SLC24A2: variants seen among roughly 807,000 people sequenced by gnomAD.
SLC24A2 encodes the protein sodium/potassium/calcium exchanger 2.
A neutral mutation model predicts 62.0 loss-of-function variants in SLC24A2; 36 were observed. The ratio of observed to expected loss-of-function variants is 0.58; its 90% CI spans 0.44 to 0.77. SLC24A2 has a LOEUF of 0.77. SLC24A2 is among the 30% of genes least tolerant of loss of function. SLC24A2 has a pLI of 0.00. For missense variants in SLC24A2, 846 were observed against 817.9 expected (o/e 1.03, Z -0.42); for synonymous variants, 358 against 294.0 (o/e 1.22, Z -2.23).
chr9:20,076,446 T>C, the SLC24A2 span, among the ~76,000 whole-genome samples: 9 of 152,014 alleles, frequency 5.9e-5, no homozygotes, highest in African/African-American at 1.9e-4. Flanking sequence ...CCTGTGACAA[T>C]GGAGGCAGGG....
At chr9:19,750,768 T>C (rs150916530) in intron 2 of SLC24A2, among the ~76,000 whole-genome samples, 116 of 152,244 alleles carry the variant, frequency 7.6e-4, no homozygotes, top group African/African-American at 2.6e-3. Context: ...TTCCAGCTTC[T>C]CGACCATCAC....
At chr9:19,811,735 T>C in the SLC24A2 span, among the ~76,000 whole-genome samples, 1 of 152,192 alleles carries the variant, frequency 6.6e-6, no homozygotes, top group Non-Finnish European at 1.5e-5. Context: ...ATTAAAACTT[T>C]AGATACTTTT....
At chr9:19,533,665 C>A (rs187983456) in intron 8 of SLC24A2, among the ~76,000 whole-genome samples, 1 of 152,184 alleles carries the variant, frequency 6.6e-6, no homozygotes, top group Non-Finnish European at 1.5e-5. Context: ...CAGCTCCCAG[C>A]CATTAACTGA....
chr9:19,688,366 G>C (rs1461165849), intron 2 of SLC24A2, among the ~76,000 whole-genome samples: 1 of 152,046 alleles, frequency 6.6e-6, no homozygotes, highest in Non-Finnish European at 1.5e-5. Flanking sequence ...AAAGTACAAT[G>C]AGAAAACATG....
chr9:20,060,137 T>C, the SLC24A2 span, among the ~76,000 whole-genome samples: 1 of 151,954 alleles, frequency 6.6e-6, no homozygotes, highest in Non-Finnish European at 1.5e-5. Flanking sequence ...TTATGACAAG[T>C]ACAGAAACTG....
At chr9:19,700,298 A>G (rs1820318296) in intron 2 of SLC24A2, among the ~76,000 whole-genome samples, 1 of 152,160 alleles carries the variant, frequency 6.6e-6, no homozygotes, top group Admixed American at 6.5e-5. Flanking sequence ...CACCTTTTGC[A>G]GGACTCAGTA....
At chr9:19,595,967 C>T (rs1361072561) in intron 5 of SLC24A2, among the ~76,000 whole-genome samples, 3 of 152,230 alleles carry the variant, frequency 2.0e-5, no homozygotes, top group Middle Eastern at 3.4e-3. Context: ...GTCATTGGAC[C>T]TCTTGCTGCC....
the SLC24A2 span, among the ~76,000 whole-genome samples, chr9:19,953,456 C>T: frequency 3.3e-5 from 5 of 151,910 alleles, no homozygotes; most frequent in Admixed American, 1.3e-4. Context: ...GCCTCTCAAA[C>T]GTTTCCATAA....
At chr9:20,078,611 C>T in the SLC24A2 span, among the ~76,000 whole-genome samples, 2 of 152,206 alleles carry the variant, frequency 1.3e-5, no homozygotes, top group Non-Finnish European at 2.9e-5. Flanking sequence ...GGAGAAGCTG[C>T]TTCCAGAACC....
chr9:19,824,612 C>G, the SLC24A2 span, among the ~76,000 whole-genome samples: 1 of 152,062 alleles, frequency 6.6e-6, no homozygotes, highest in Admixed American at 6.5e-5. Flanking sequence ...GACAGTGTGG[C>G]GATTCCTCAA....
rs1419411344 is a variant in SLC24A2 at position 19,632,981 on chromosome 9, T to A, written c.931-10682A>T. 6.6e-6 allele frequency among the ~76,000 whole-genome samples: 1 copy of A among 152,224 alleles called. No individual in the cohort carries two copies. The highest frequency in any genetic ancestry group is 1.5e-5 in the Non-Finnish European group (1 of 68,032). The stretch of plus-strand genomic sequence containing the variant: ...TTAGGTCTACACCCATTCCCACACC[T>A]GCCTGCTAATCCCTGGCAACCACTA... On this transcript the variant is annotated intron_variant, in intron 2 of 10. Coordinates refer to ENST00000341998, the MANE Select transcript of SLC24A2 (RefSeq NM_020344.4). The surrounding 1 kb of genome is among the most constrained non-coding windows in gnomAD (Gnocchi z 4.5).
the SLC24A2 span, among the ~76,000 whole-genome samples, chr9:20,279,485 C>A: frequency 1.3e-5 from 2 of 152,284 alleles, no homozygotes; most frequent in East Asian, 3.9e-4. Context: ...GAGCTGAGAT[C>A]ACGCCATTGC....
At chr9:19,698,867 T>C (rs527333056) in intron 2 of SLC24A2, among the ~76,000 whole-genome samples, 25 of 152,328 alleles carry the variant, frequency 1.6e-4, no homozygotes, top group African/African-American at 5.5e-4. Context: ...TCACAAAGTA[T>C]GGCATATCAC....
chr9:20,267,951 C>A, the SLC24A2 span, among the ~76,000 whole-genome samples: 1 of 152,102 alleles, frequency 6.6e-6, no homozygotes, highest in African/African-American at 2.4e-5. Context: ...TTACCTTTAA[C>A]CTCCCCATCC....
At chr9:19,688,267 G>A (rs899225057) in intron 2 of SLC24A2, among the ~76,000 whole-genome samples, 1 of 152,068 alleles carries the variant, frequency 6.6e-6, no homozygotes, top group Admixed American at 6.6e-5. Flanking sequence ...CTGATTGTGT[G>A]GCTTTAGGCA....
At chr9:19,520,257 T>C (rs1050208057) in intron 10 of SLC24A2, among the ~76,000 whole-genome samples, 11 of 152,216 alleles carry the variant, frequency 7.2e-5, no homozygotes, top group African/African-American at 2.4e-4. Flanking sequence ...TCAGACTATT[T>C]TTACTTTTGA....
chr9:20,209,352 G>A, the SLC24A2 span, among the ~76,000 whole-genome samples: 1 of 152,162 alleles, frequency 6.6e-6, no homozygotes, highest in Non-Finnish European at 1.5e-5. Context: ...TAGCCAAACA[G>A]CCATGCAAGA....
the SLC24A2 span, among the ~76,000 whole-genome samples, chr9:20,198,208 C>T: frequency 5.3e-5 from 8 of 152,216 alleles, no homozygotes; most frequent in South Asian, 8.3e-4. Context: ...TGAGTTCACT[C>T]GGGAAAGGGG....
At chr9:19,604,985 C>T (rs1405570116) in intron 4 of SLC24A2, among the ~76,000 whole-genome samples, 1 of 152,170 alleles carries the variant, frequency 6.6e-6, no homozygotes, top group Non-Finnish European at 1.5e-5. Context: ...AATCCATGTA[C>T]CATTACTCCT....
Sources: allele counts gnomAD v4.1 joint callset (sites outside exome capture counted in the v4.1 genomes callset), GRCh38; gene constraint gnomAD v4.1.1; non-coding constraint Gnocchi (gnomAD v3.1); transcripts MANE v1.5; gene names NCBI Gene and HGNC (gene_info 2026-07-23, HGNC 2026-07-21).